The following NELL1 variants were observed in gnomAD, a reference collection of about 807,000 sequenced individuals.
The protein encoded by NELL1 is protein kinase C-binding protein NELL1.
A neutral mutation model predicts 107.4 loss-of-function variants in NELL1; 76 were observed. The ratio of observed to expected loss-of-function variants is 0.71; its 90% confidence interval spans 0.59 to 0.86. The LOEUF is 0.86. Ranked by LOEUF, NELL1 falls within the 40% of genes least tolerant of loss-of-function variation. The pLI is 0.00. For missense variants in NELL1, 1,024 were observed against 1,005.5 expected (o/e 1.02, Z -0.25); for synonymous variants, 353 against 341.2 (o/e 1.03, Z -0.38).
chr11:21,457,434 T>C (rs2133867214), intron 15 of NELL1, among the ~76,000 whole-genome samples: 1 of 152,262 alleles, frequency 6.6e-6, no homozygotes, highest in African/African-American at 2.4e-5. Flanking sequence ...TAAACATTAT[T>C]TTGTGAGATT....
chr11:21,049,356 AC>A (rs1853435199), intron 12 of NELL1, among the ~76,000 whole-genome samples: 1 of 152,096 alleles, frequency 6.6e-6, no homozygotes, highest in Non-Finnish European at 1.5e-5. Flanking sequence ...CTTTACTGTT[AC>A]CCTTTTCAAC....
At chr11:21,109,208 T>TA (rs1478422360) in intron 12 of NELL1, among the ~76,000 whole-genome samples, 1 of 152,118 alleles carries the variant, frequency 6.6e-6, no homozygotes, top group Non-Finnish European at 1.5e-5. Flanking sequence ...GTCTGATACC[T>TA]AAAAAACAGC....
At chr11:20,892,163 G>T (rs1238610936) in intron 5 of NELL1, among the ~76,000 whole-genome samples, 1 of 152,094 alleles carries the variant, frequency 6.6e-6, no homozygotes, top group East Asian at 1.9e-4. Flanking sequence ...ATAACAAACC[G>T]TCTCTCAGAT....
At chr11:21,180,651 C>G (rs897593929) in intron 13 of NELL1, among the ~76,000 whole-genome samples, 1 of 151,598 alleles carries the variant, frequency 6.6e-6, no homozygotes, top group East Asian at 1.9e-4. Flanking sequence ...AACACATTGG[C>G]CTCGTACTTT....
chr11:20,803,383 G>A (rs1857317962), intron 3 of NELL1, among the ~76,000 whole-genome samples: 1 of 152,084 alleles, frequency 6.6e-6, no homozygotes, highest in Non-Finnish European at 1.5e-5. Flanking sequence ...TTGAATTTCT[G>A]TAGTATCAGT....
intron 16 of NELL1, among the ~76,000 whole-genome samples, chr11:21,554,609 G>T (rs1312418867): frequency 6.6e-6 from 1 of 151,752 alleles, no homozygotes; most frequent in Non-Finnish European, 1.5e-5. Context: ...AAAAATTATA[G>T]AAACAATAGG....
At chr11:21,200,548 G>C (rs1276034890) in intron 13 of NELL1, among the ~76,000 whole-genome samples, 1 of 151,984 alleles carries the variant, frequency 6.6e-6, no homozygotes, top group East Asian at 1.9e-4. Flanking sequence ...TCATCAAATG[G>C]GTAGATTGCA....
intron 2 of NELL1, among the ~76,000 whole-genome samples, chr11:20,686,299 GC>G (rs1272180921): frequency 2.0e-5 from 3 of 152,052 alleles, no homozygotes; most frequent in Non-Finnish European, 2.9e-5. Context: ...TTATTTTGGG[GC>G]TAGCCAGCTT....
At position 20,914,684 on chromosome 11, in the gene NELL1, T is replaced by A. The variant is rs538458833; in HGVS notation, c.604-3498T>A. 3.5e-4 allele frequency among the ~76,000 whole-genome samples: 53 copies of A among 152,152 alleles called. 2 individuals carry two copies. The highest frequency in any genetic ancestry group is 1.0e-3 in the South Asian group (5 of 4,824). ...GCGGAGAGAAGGGGGTTCATTCAGA[T>A]GGTTGGGGGCTTAGAACTTTATTTT... On this transcript the variant is annotated intron_variant, in intron 5 of 19. Coordinates refer to ENST00000357134, the MANE Select transcript of NELL1 (RefSeq NM_006157.5).
At chr11:21,243,795 T>C (rs1048779261) in intron 14 of NELL1, among the ~76,000 whole-genome samples, 1 of 152,208 alleles carries the variant, frequency 6.6e-6, no homozygotes, top group African/African-American at 2.4e-5. Flanking sequence ...CTGTGGTTAG[T>C]GGCTACCATA....
At chr11:20,826,425 G>A (rs1331698291) in intron 3 of NELL1, among the ~76,000 whole-genome samples, 1 of 151,144 alleles carries the variant, frequency 6.6e-6, no homozygotes, top group Non-Finnish European at 1.5e-5. Context: ...TCATGACCAC[G>A]CCTAGCTGTA....
rs183670246 is a variant in NELL1 at position 21,064,358 on chromosome 11, C to T, written c.1301-49231C>T. Reference sequence around the variant, plus strand: ...AATAGAAGGAATACTAGTTTTGAGGCAGTTGTCATTTTCCAGGAGCGAGAT... The same window carrying T: ...AATAGAAGGAATACTAGTTTTGAGGTAGTTGTCATTTTCCAGGAGCGAGAT... On this transcript the variant is annotated intron_variant, in intron 12 of 19. Coordinates refer to ENST00000357134, the MANE Select transcript of NELL1 (RefSeq NM_006157.5). Among the ~76,000 whole-genome samples the T allele has an allele frequency of 2.3e-3, 345 of 152,198 alleles. 1 individual carries two copies. The highest frequency in any genetic ancestry group is 3.6e-3 in the Non-Finnish European group (247 of 68,012).
chr11:21,480,379 C>T (rs1182182448), intron 15 of NELL1, among the ~76,000 whole-genome samples: 1 of 152,160 alleles, frequency 6.6e-6, no homozygotes, highest in Non-Finnish European at 1.5e-5. Flanking sequence ...GAAGTTACAG[C>T]AGCAGGACCT....
Position 21,229,325 on chromosome 11 carries a change from G to A in NELL1, c.1427-7G>A. The A allele has an allele frequency of 6.2e-7, 1 of 1,613,620 alleles. No homozygotes were observed. The highest frequency in any genetic ancestry group is 8.5e-7 in the Non-Finnish European group (1 of 1,179,764). ...GTATTTCTCTTTTTCTCTCACCCTG[G>A]AAACAGAACACGATGAATGTGGCAG... On this transcript the variant is annotated splice_polypyrimidine_tract_variant and splice_region_variant and intron_variant, in intron 13 of 19. Coordinates refer to ENST00000357134, the MANE Select transcript of NELL1 (RefSeq NM_006157.5).
chr11:21,534,258 G>A (rs1008849791), intron 15 of NELL1, 116 bp from the exon 16 acceptor site: 7 of 1,156,690 alleles, frequency 6.1e-6, no homozygotes, highest in Non-Finnish European at 8.9e-6. Context: ...TTTCATTGTA[G>A]GTGACTAAAC....
intron 13 of NELL1, among the ~76,000 whole-genome samples, chr11:21,222,140 GC>G (rs1358613578): frequency 6.6e-6 from 1 of 152,016 alleles, no homozygotes; most frequent in Non-Finnish European, 1.5e-5. Context: ...CAAAAAACAA[GC>G]TTTTTGTTTC....
chr11:20,861,392 C>A (rs1848975763), intron 4 of NELL1, among the ~76,000 whole-genome samples: 1 of 152,178 alleles, frequency 6.6e-6, no homozygotes, highest in Admixed American at 6.5e-5. Context: ...TTGTTTCTTG[C>A]AGGGTAGCCT....
intron 12 of NELL1, among the ~76,000 whole-genome samples, chr11:21,020,367 G>A (rs1376627272): frequency 2.0e-5 from 3 of 152,054 alleles, no homozygotes; most frequent in Non-Finnish European, 2.9e-5. Context: ...TGCTCTAAGT[G>A]AACTCACAGG....
At chr11:21,545,711 A>G (rs916307927) in intron 16 of NELL1, among the ~76,000 whole-genome samples, 1 of 152,010 alleles carries the variant, frequency 6.6e-6, no homozygotes, top group Non-Finnish European at 1.5e-5. Flanking sequence ...GAGTGAAAAC[A>G]GAATGAGAGG....
Sources: gnomAD v4.1 joint callset for allele counts (sites outside exome capture counted in the v4.1 genomes callset) on GRCh38, gnomAD v4.1.1 for gene constraint, MANE v1.5 for transcripts, NCBI Gene and HGNC (gene_info 2026-07-23, HGNC 2026-07-21) for gene names.